Variants in LAG3 observed in about 807,000 individuals in gnomAD.
LAG3 encodes the protein lymphocyte activating 3, also known as lymphocyte activation gene 3 protein.
LAG3 carries 29 observed loss-of-function variants against 49.0 expected under a neutral mutation model. That is an observed-to-expected ratio of 0.59 (90% CI 0.44 to 0.81). The LOEUF (loss-of-function observed/expected upper bound fraction) is 0.81, where lower values mean the gene tolerates loss of function less well. Among genes scored for constraint, LAG3 ranks in the 30% least tolerant of loss-of-function variants. The pLI is 0.00. For synonymous variants in LAG3, 320 were observed against 297.3 expected (o/e 1.08, Z -0.79); for missense variants, 693 against 695.2 (o/e 1.00, Z 0.04).
chr12:6,777,185 T>C, intron 5 of LAG3, 79 bp from the exon 6 acceptor site: 2 of 1,563,370 alleles, frequency 1.3e-6, no homozygotes, highest in East Asian at 2.2e-5. Flanking sequence ...TGCAGGGTGA[T>C]TGAGACTTGG....
Position 6,774,664 on chromosome 12 carries a change from C to T in LAG3, c.581C>T (p.Pro194Leu). The T allele has an allele frequency of 6.2e-7, 1 of 1,614,196 alleles. No individual in the cohort carries two copies. Among genetic ancestry groups the T allele is most frequent in the Non-Finnish European group, 8.5e-7 (1 of 1,180,026 alleles). Residue 194 changes from proline (P) to leucine (L), a missense_variant, in exon 4 of 8, where the codon CCT becomes CTT. Pro to Leu is a moderately conservative substitution (Grantham distance 98). Coordinates refer to ENST00000203629, the MANE Select transcript of LAG3 (RefSeq NM_002286.6). ...ATTTTGAACTGCTCCTTCAGCCGCC[C>T]TGACCGCCCAGCCTCTGTGCATTGG... ...WVILNCSFSR[P>L]DRPASVHWFR... is the part of the protein sequence containing the mutation.
At chr12:6,774,458 G>A (rs1941881288) in intron 3 of LAG3, 137 bp from the exon 4 acceptor site, 3 of 960,532 alleles carry the variant, frequency 3.1e-6, no homozygotes, top group East Asian at 5.1e-5. Flanking sequence ...AGCTGAGATG[G>A]GGAGAGGGTG....
Position 6,773,651 on chromosome 12 carries a change from C to G in LAG3, c.207-46C>G. ...GGGTGGCTGCCTGCATCCTCCCGGGCTTCCTACCCCTGGAGCTTCTCAACT... is the reference window on the plus strand; with the variant it reads ...GGGTGGCTGCCTGCATCCTCCCGGGGTTCCTACCCCTGGAGCTTCTCAACT... On this transcript the variant is annotated intron_variant, in intron 2 of 7. Transcript: ENST00000203629. The surrounding 1 kb of genome is among the most constrained non-coding windows in gnomAD (Gnocchi z 5.5). 1 of 1,356,774 alleles carries G rather than the reference C, an allele frequency of 7.4e-7. No individual in the cohort carries two copies. Among genetic ancestry groups the G allele is most frequent in the South Asian group, 1.9e-5 (1 of 51,762 alleles). 84.0% of individuals were successfully genotyped at this position (1,356,774 alleles called of 1,614,324 possible). A position where few individuals can be genotyped will look rare whatever the true frequency, so the allele number is the denominator to read the frequency against.
Position 6,773,198 on chromosome 12 carries a change from C to G in LAG3, c.65C>G (p.Pro22Arg), listed in dbSNP as rs1941862507. 2.5e-6 allele frequency: 4 copies of G among 1,610,664 alleles called. No individual in the cohort carries two copies. The highest frequency in any genetic ancestry group is 3.4e-6 in the Non-Finnish European group (4 of 1,178,808). ...CTCTCTTTTGCTCACCTAGTGAAGCCTCTCCAGCCAGGGGCTGAGGTCCCG... is the reference window on the plus strand; with the variant it reads ...CTCTCTTTTGCTCACCTAGTGAAGCGTCTCCAGCCAGGGGCTGAGGTCCCG... ...LQPLWVAPVK[P>R]LQPGAEVPVV... The change falls in exon 2 of 8, where the codon CCT (proline) becomes CGT (arginine). Residue 22 changes from proline to arginine, a missense_variant. By Grantham distance (103) the Pro-to-Arg change is moderately radical. Coordinates refer to ENST00000203629, the MANE Select transcript of LAG3 (RefSeq NM_002286.6). The surrounding 1 kb of genome is among the most constrained non-coding windows in gnomAD (Gnocchi z 5.5).
At chr12:6,774,153 G>A (rs1941876850) in intron 3 of LAG3, 152 bp downstream of exon 3, 1 of 1,253,584 alleles carries the variant, frequency 8.0e-7, no homozygotes, top group African/African-American at 1.6e-5. Context: ...CGGCCTGCTG[G>A]AGTGGAAGGT....
chr12:6,773,096 C>A lies in LAG3; in HGVS notation c.59-96C>A. 6.8e-6 allele frequency: 10 copies of A among 1,468,926 alleles called. No homozygotes were observed. The highest frequency in any genetic ancestry group is 9.2e-6 in the Non-Finnish European group (10 of 1,082,560). The allele number at this position is 1,468,926 out of a possible 1,614,324, so 91.0% of individuals were successfully genotyped here. On this transcript the variant is annotated intron_variant, in intron 1 of 7. Transcript: ENST00000203629. The surrounding 1 kb of genome is among the most constrained non-coding windows in gnomAD (Gnocchi z 5.5). ...GAAACAGAAACCCAAGTTCTTCCTG[C>A]ACCCTGTTTCTCCCTCGGGAAACAC...
chr12:6,777,744 T>C, intron 6 of LAG3, 47 bp from the exon 7 acceptor site: 1 of 1,602,328 alleles, frequency 6.2e-7, no homozygotes, highest in South Asian at 1.1e-5. Context: ...TGACAAAGTG[T>C]CCTTTCTAGT....
Position 6,773,889 on chromosome 12 carries a change from G to C in LAG3, c.399G>C (p.Ser133=). The part of the protein sequence containing the change: ...DERGRQRGDF[S]LWLRPARRAD... ...GCGGCCGGCAGCGCGGGGACTTCTC[G>C]CTATGGCTGCGCCCAGCCCGGCGCG... Residue 133 remains serine (S), a synonymous_variant, in exon 3 of 8, where the codon TCG becomes TCC. Transcript: ENST00000203629. The surrounding 1 kb of genome is among the most constrained non-coding windows in gnomAD (Gnocchi z 5.5). 7.2e-7 allele frequency: 1 copy of C among 1,394,958 alleles called. No homozygotes were observed. The highest frequency in any genetic ancestry group is 9.2e-7 in the Non-Finnish European group (1 of 1,082,416). 86.4% of individuals were successfully genotyped at this position (1,394,958 alleles called of 1,614,324 possible). A position where few individuals can be genotyped will look rare whatever the true frequency, so the allele number is the denominator to read the frequency against.
At position 6,772,844 on chromosome 12, in the gene LAG3, A is replaced by G. The variant is rs1592494890; in HGVS notation, c.-9A>G. Reference sequence around the variant, plus strand: ...TGGAGGGCTCAGCGCTGCCCAGACCATAGGAGAGATGTGGGAGGCTCAGTT... The same window carrying G: ...TGGAGGGCTCAGCGCTGCCCAGACCGTAGGAGAGATGTGGGAGGCTCAGTT... On this transcript the variant is annotated 5_prime_UTR_variant, in exon 1 of 8. Transcript: ENST00000203629. 16 of 1,450,104 alleles carry G rather than the reference A, an allele frequency of 1.1e-5. No individual in the cohort carries two copies. The East Asian group carries it at 4.6e-4, about 41-fold the overall frequency. 89.8% of individuals were successfully genotyped at this position (1,450,104 alleles called of 1,614,324 possible).
chr12:6,777,962 C>T (rs369346024), intron 7 of LAG3, 41 bp downstream of exon 7: 30 of 1,610,008 alleles, frequency 1.9e-5, no homozygotes, highest in South Asian at 4.4e-5. Context: ...CAGCAGCTCC[C>T]GCTCTTCCAT....
Position 6,777,919 on chromosome 12 carries a change from C to T in LAG3, c.1429C>T (p.Gln477Ter). The change falls in exon 7 of 8, where the codon CAG (glutamine) becomes TAG (stop). Residue 477 changes from glutamine (Q) to a stop codon, truncating the protein, a stop_gained and splice_region_variant. Coordinates refer to ENST00000203629, the MANE Select transcript of LAG3 (RefSeq NM_002286.6). LOFTEE classifies it low-confidence loss of function (END_TRUNC). ...CTTTGGCTTTCACCTTTGGAGAAGA[C>T]AGGTGAGCCAGGGACATGGCAACCC... ...GAFGFHLWRR[Q>*]WRPRRFSALE... The T allele has an allele frequency of 6.2e-7, 1 of 1,613,304 alleles. No homozygotes were observed. The highest frequency in any genetic ancestry group is 8.5e-7 in the Non-Finnish European group (1 of 1,179,832).
Position 6,775,351 on chromosome 12 carries a change from G to C in LAG3, c.860G>C (p.Gly287Ala). 1 of 1,614,220 alleles carries C rather than the reference G, an allele frequency of 6.2e-7. No homozygotes were observed. Among genetic ancestry groups the C allele is most frequent in the Non-Finnish European group, 8.5e-7 (1 of 1,180,044 alleles). The change falls in exon 5 of 8, where the codon GGT becomes GCT. Residue 287 changes from glycine (G) to alanine (A), a missense_variant. Coordinates refer to ENST00000203629, the MANE Select transcript of LAG3 (RefSeq NM_002286.6). The stretch of plus-strand genomic sequence containing the variant: ...GGGCTGCCCTGCCGCCTGCCTGCTG[G>C]TGTGGGGACCCGGTCTTTCCTCACT... Reference protein sequence around the residue: ...RVGLPCRLPAGVGTRSFLTAK... With the variant: ...RVGLPCRLPAAVGTRSFLTAK...
At position 6,774,734 on chromosome 12, in the gene LAG3, C is replaced by A. The variant is rs547572877; in HGVS notation, c.651C>A (p.Pro217=). The stretch of plus-strand genomic sequence containing the variant: ...GCCGAGTCCCTGTCCGGGAGTCCCC[C>A]CATCACCACTTAGCGGAAAGCTTCC... ...GQGRVPVRES[P]HHHLAESFLF... The change falls in exon 4 of 8, where the codon CCC becomes CCA. Residue 217 remains proline (P), a synonymous_variant. Transcript: ENST00000203629. 6.2e-6 allele frequency: 10 copies of A among 1,614,206 alleles called. No homozygotes were observed. The East Asian group carries it at 1.3e-4, about 22-fold the overall frequency.
chr12:6,773,957 G>A lies in LAG3; in HGVS notation c.467G>A (p.Arg156His). 1.4e-6 allele frequency: 2 copies of A among 1,438,740 alleles called. No homozygotes were observed. The highest frequency in any genetic ancestry group is 1.8e-6 in the Non-Finnish European group (2 of 1,104,892). 89.1% of individuals were successfully genotyped at this position (1,438,740 alleles called of 1,614,324 possible). A position where few individuals can be genotyped will look rare whatever the true frequency, so the allele number is the denominator to read the frequency against. ...CGCGCCGCGGTGCACCTCAGGGACC[G>A]CGCCCTCTCCTGCCGCCTCCGTCTG... is the stretch of plus-strand genomic sequence containing the variant. ...EYRAAVHLRDRALSCRLRLRL... is the reference protein window; with the variant it reads ...EYRAAVHLRDHALSCRLRLRL... The change falls in exon 3 of 8, where the codon CGC becomes CAC. Residue 156 changes from arginine (R) to histidine (H), a missense_variant. Coordinates refer to ENST00000203629, the MANE Select transcript of LAG3 (RefSeq NM_002286.6). This position sits in a 1 kb window ranked among gnomAD's most constrained non-coding sequence, Gnocchi z 5.5.
rs1264656919 is a variant in LAG3 at position 6,774,836 on chromosome 12, C to G, written c.753C>G (p.Val251=). 1.2e-6 allele frequency: 2 copies of G among 1,614,004 alleles called. No individual in the cohort carries two copies. The highest frequency in any genetic ancestry group is 4.5e-5 in the East Asian group (2 of 44,896). ...CILTYRDGFN[V]SIMYNLTVLG... ...TCACCTACAGAGATGGCTTCAACGT[C>G]TCCATCATGTATAACCTCACTGTTC... The change falls in exon 4 of 8, where the codon GTC becomes GTG. Residue 251 remains valine, a synonymous_variant. Coordinates refer to ENST00000203629, the MANE Select transcript of LAG3 (RefSeq NM_002286.6).
Position 6,778,348 on chromosome 12 carries a change from G to GGAGCCC in LAG3, c.1538_1539insGCCCGA (p.Pro522_Glu523dup). ...AAGAACCGGAGCCGGAGCCGGAGCC[G>GGAGCCC]GAACCGGAGCCCGAGCCCGAGCCCG... is the stretch of plus-strand genomic sequence containing the variant. On this transcript the variant is annotated inframe_insertion, in exon 8 of 8. Coordinates refer to ENST00000203629, the MANE Select transcript of LAG3 (RefSeq NM_002286.6). The GGAGCCC allele has an allele frequency of 6.2e-7, 1 of 1,612,792 alleles. No homozygotes were observed. Among genetic ancestry groups the GGAGCCC allele is most frequent in the Non-Finnish European group, 8.5e-7 (1 of 1,179,708 alleles).
chr12:6,777,335 C>T lies in LAG3; in HGVS notation c.1129C>T (p.Gln377Ter). Residue 377 changes from glutamine to a stop codon, truncating the protein, a stop_gained, in exon 6 of 8, where the codon CAA becomes TAA. Coordinates refer to ENST00000203629, the MANE Select transcript of LAG3 (RefSeq NM_002286.6). LOFTEE classifies it high-confidence loss of function. Reference protein sequence around the residue: ...LLCEVTPVSGQERFVWSSLDT... With the variant: ...LLCEVTPVSG ...TTGTGAGGTGACTCCAGTATCTGGA[C>T]AAGAACGCTTTGTGTGGAGCTCTCT... is the stretch of plus-strand genomic sequence containing the variant. The T allele has an allele frequency of 6.2e-7, 1 of 1,614,202 alleles. No individual in the cohort carries two copies. The highest frequency in any genetic ancestry group is 8.5e-7 in the Non-Finnish European group (1 of 1,180,036).
chr12:6,773,359 G>A lies in LAG3; in HGVS notation c.206+20G>A, dbSNP rs1343002393. 1.1e-5 allele frequency: 17 copies of A among 1,612,438 alleles called. No homozygotes were observed. The Admixed American group carries it at 1.8e-4, about 17-fold the overall frequency. On this transcript the variant is annotated intron_variant, in intron 2 of 7. Transcript: ENST00000203629. The surrounding 1 kb of genome is among the most constrained non-coding windows in gnomAD (Gnocchi z 5.5). ...AGACAGGTATGCACCCCAAACTTGGGCAACAGGACCTCCGAATCCAGCACT... is the reference window on the plus strand; with the variant it reads ...AGACAGGTATGCACCCCAAACTTGGACAACAGGACCTCCGAATCCAGCACT...
chr12:6,777,331 T>TTG lies in LAG3; in HGVS notation c.1125_1126insTG (p.Gly376TrpfsTer91). ...TGCTTTGTGAGGTGACTCCAGTATCTGGACAAGAACGCTTTGTGTGGAGCT... is the reference window on the plus strand; with the variant it reads ...TGCTTTGTGAGGTGACTCCAGTATCTTGGGACAAGAACGCTTTGTGTGGAGCT... On this transcript the variant is annotated frameshift_variant, in exon 6 of 8. Coordinates refer to ENST00000203629, the MANE Select transcript of LAG3 (RefSeq NM_002286.6). LOFTEE classifies it high-confidence loss of function. 6.2e-7 allele frequency: 1 copy of TTG among 1,614,234 alleles called. No homozygotes were observed. The highest frequency in any genetic ancestry group is 8.5e-7 in the Non-Finnish European group (1 of 1,180,036).
Sources: allele counts gnomAD v4.1 joint callset, GRCh38; gene constraint gnomAD v4.1.1; non-coding constraint Gnocchi (gnomAD v3.1); transcripts MANE v1.5; gene names NCBI Gene and HGNC (gene_info 2026-07-23, HGNC 2026-07-21).